The following MICU3 variants were observed in gnomAD, a reference collection of about 807,000 sequenced individuals.
MICU3 encodes the protein mitochondrial calcium uptake 3, also known as calcium uptake protein 3, mitochondrial.
MICU3 carries 62 observed loss-of-function variants against 66.5 expected under a neutral mutation model. The observed-to-expected ratio is 0.93, with a 90% CI of 0.76 to 1.15. The LOEUF is 1.15. Ranked by LOEUF, MICU3 falls within the 50% of genes most tolerant of loss-of-function variation. The probability of loss-of-function intolerance (pLI) is 0.00; values close to 1 mark genes in which losing one functional copy is unlikely to be tolerated. For missense variants in MICU3, 779 were observed against 664.4 expected, an observed-to-expected ratio of 1.17 and a Z score of -1.90; for synonymous variants, 308 against 240.7, an observed-to-expected ratio of 1.28 and a Z score of -2.59.
At chr8:17,095,214 TTAGGG>T (rs1180376613) in intron 8 of MICU3, among the ~76,000 whole-genome samples, 2 of 151,992 alleles carry the variant, frequency 1.3e-5, no homozygotes, top group Non-Finnish European at 2.9e-5. Flanking sequence ...TGGCTCTCAC[TTAGGG>T]TGGCTTATGT....
chr8:17,037,277 C>T (rs377631215), intron 1 of MICU3, among the ~76,000 whole-genome samples: 5 of 152,342 alleles, frequency 3.3e-5, no homozygotes, highest in South Asian at 4.1e-4. Flanking sequence ...AGTGCAGCGG[C>T]GGGCCGAAGA....
chr8:17,036,908 C>T (rs574598696), intron 1 of MICU3, among the ~76,000 whole-genome samples: 11 of 152,356 alleles, frequency 7.2e-5, no homozygotes, highest in East Asian at 1.9e-4. Context: ...CAGGAGCCCA[C>T]GGAGTGGGTG....
chr8:17,097,415 G>A (rs1800826563), intron 8 of MICU3, among the ~76,000 whole-genome samples: 1 of 151,468 alleles, frequency 6.6e-6, no homozygotes, highest in Non-Finnish European at 1.5e-5. Flanking sequence ...TATGTAAATG[G>A]TTCCTGCTAA....
chr8:17,075,207 A>T (rs1005029856), intron 3 of MICU3, among the ~76,000 whole-genome samples: 54 of 136,370 alleles, frequency 4.0e-4, no homozygotes, highest in African/African-American at 1.5e-3. Context: ...TCACCGTCCT[A>T]GCACAGCAGC....
At chr8:17,136,199 G>A in the MICU3 span, among the ~76,000 whole-genome samples, 1 of 152,148 alleles carries the variant, frequency 6.6e-6, no homozygotes, top group East Asian at 1.9e-4. Context: ...ATTTCCCTAA[G>A]AGTTTTCTTA....
chr8:17,049,503 G>T (rs1295332292), intron 1 of MICU3: 9 of 490,124 alleles, frequency 1.8e-5, no homozygotes, highest in Non-Finnish European at 3.6e-5. Context: ...TACAGTTTGT[G>T]GGCTTAGTAT....
At chr8:17,028,671 A>C (rs942110571) in intron 1 of MICU3, among the ~76,000 whole-genome samples, 1 of 152,196 alleles carries the variant, frequency 6.6e-6, no homozygotes, top group African/African-American at 2.4e-5. Context: ...TTGTCAATGC[A>C]ATTAGGTTAC....
intron 1 of MICU3, among the ~76,000 whole-genome samples, chr8:17,037,455 C>T (rs1813235662): frequency 6.6e-6 from 1 of 152,194 alleles, no homozygotes; most frequent in Non-Finnish European, 1.5e-5. Flanking sequence ...CAATGTAGAG[C>T]TCAGGCCATT....
At chr8:17,089,509 A>G (rs1431571657) in intron 7 of MICU3, among the ~76,000 whole-genome samples, 1 of 152,128 alleles carries the variant, frequency 6.6e-6, no homozygotes, top group Non-Finnish European at 1.5e-5. Context: ...GATTCCACAT[A>G]TTCTTAGAAT....
chr8:17,069,972 A>C (rs1819304586), intron 3 of MICU3, among the ~76,000 whole-genome samples: 2 of 152,030 alleles, frequency 1.3e-5, no homozygotes, highest in African/African-American at 4.8e-5. Context: ...TCACTTTGGA[A>C]AACAATTTGG....
chr8:17,119,017 G>A (rs1453304242), intron 14 of MICU3, among the ~76,000 whole-genome samples: 1 of 152,050 alleles, frequency 6.6e-6, no homozygotes, highest in Non-Finnish European at 1.5e-5. Context: ...AGCACCCAAA[G>A]AATATTTGTT....
intron 3 of MICU3, among the ~76,000 whole-genome samples, chr8:17,077,199 A>G (rs1289795871): frequency 6.6e-6 from 1 of 152,216 alleles, no homozygotes; most frequent in Non-Finnish European, 1.5e-5. Flanking sequence ...TTAGAAACAA[A>G]TTGAAACAGT....
chr8:17,038,510 C>T (rs527811496), intron 1 of MICU3, among the ~76,000 whole-genome samples: 20 of 152,222 alleles, frequency 1.3e-4, no homozygotes, highest in South Asian at 8.3e-4. Flanking sequence ...TACCCAGTCT[C>T]GGGTATGTAT....
intron 1 of MICU3, among the ~76,000 whole-genome samples, chr8:17,034,720 T>G (rs750369790): frequency 6.6e-6 from 1 of 152,236 alleles, no homozygotes; most frequent in Non-Finnish European, 1.5e-5. Context: ...AAATGGAGCC[T>G]AAAGATATGA....
At position 17,037,058 on chromosome 8, in the gene MICU3, G is replaced by A. The variant is rs543932930; in HGVS notation, c.381+9398G>A. Among the ~76,000 whole-genome samples the A allele has an allele frequency of 1.4e-4, 21 of 152,340 alleles. No individual in the cohort carries two copies. In the Middle Eastern group the frequency reaches 0.014, roughly 99 times the overall value. ...GTACACCTTCCGCAGCCACTGGCCC[G>A]GGTGCTAAGTCCCTCACTGCCCGGG... On this transcript the variant is annotated intron_variant, in intron 1 of 14. Transcript: ENST00000318063.
chr8:17,117,072 G>A (rs1486096863), intron 13 of MICU3, among the ~76,000 whole-genome samples: 1 of 152,038 alleles, frequency 6.6e-6, no homozygotes, highest in East Asian at 1.9e-4. Context: ...TGAACTCCTG[G>A]GCTCAAGTGA....
chr8:17,116,526 G>C lies in MICU3; in HGVS notation c.1450G>C (p.Val484Leu). The change falls in exon 13 of 15, where the codon GTT (valine) becomes CTT (leucine). Residue 484 changes from valine (V) to leucine (L), a missense_variant. Val to Leu is a conservative substitution (Grantham distance 32). Transcript: ENST00000318063. ...LVNTVFKIFD[V>L]DKDDQLSYKE... ...GAACACTGTCTTCAAGATTTTTGAT[G>C]TTGACAAAGATGATCAATTAAGTTA... 6.4e-7 allele frequency: 1 copy of C among 1,570,302 alleles called. No individual in the cohort carries two copies. The highest frequency in any genetic ancestry group is 1.2e-5 in the South Asian group (1 of 83,334).
the MICU3 span, among the ~76,000 whole-genome samples, chr8:17,136,981 C>T: frequency 6.6e-6 from 1 of 152,008 alleles, no homozygotes; most frequent in Non-Finnish European, 1.5e-5. Flanking sequence ...ACTACAGGTG[C>T]ACGCCACCAC....
At chr8:17,085,611 A>G (rs1799388679) in intron 6 of MICU3, among the ~76,000 whole-genome samples, 4 of 152,112 alleles carry the variant, frequency 2.6e-5, no homozygotes, top group Admixed American at 2.6e-4. Flanking sequence ...CAGGTTATAC[A>G]TGCCCAATTA....
Sources: gnomAD v4.1 joint callset for allele counts (sites outside exome capture counted in the v4.1 genomes callset) on GRCh38, gnomAD v4.1.1 for gene constraint, MANE v1.5 for transcripts, NCBI Gene and HGNC (gene_info 2026-07-23, HGNC 2026-07-21) for gene names.